The following LAMA2 variants were observed in gnomAD, a reference collection of about 807,000 sequenced individuals.
LAMA2 encodes laminin subunit alpha-2.
LAMA2 carries 269 observed loss-of-function variants against 364.8 expected under a neutral mutation model. That is an observed-to-expected ratio of 0.74 (90% CI 0.67 to 0.82). The LOEUF is 0.82. LAMA2 is among the 40% of genes least tolerant of loss of function. The pLI is 0.00. For missense variants in LAMA2, 3,807 were observed against 3,873.2 expected (o/e 0.98, Z 0.45); for synonymous variants, 1,379 against 1,370.6 (o/e 1.01, Z -0.14).
At chr6:129,424,389 TG>T (rs1352904748) in intron 40 of LAMA2, among the ~76,000 whole-genome samples, 1 of 151,070 alleles carries the variant, frequency 6.6e-6, no homozygotes, top group Non-Finnish European at 1.5e-5. Context: ...TCATCAAAAT[TG>T]AGAACTTCTT....
At chr6:129,214,768 T>C (rs1234134932) in intron 12 of LAMA2, among the ~76,000 whole-genome samples, 1 of 152,196 alleles carries the variant, frequency 6.6e-6, no homozygotes, top group Admixed American at 6.5e-5. Flanking sequence ...GTTCTTGGTC[T>C]TTCCTCTCCA....
At chr6:129,080,745 A>T (rs989539259) in intron 3 of LAMA2, among the ~76,000 whole-genome samples, 17 of 152,312 alleles carry the variant, frequency 1.1e-4, no homozygotes, top group African/African-American at 4.1e-4. Context: ...AGGAAACAAC[A>T]GGTGCTGGAG....
At chr6:129,326,829 C>T (rs1213333735) in intron 28 of LAMA2, among the ~76,000 whole-genome samples, 1 of 145,228 alleles carries the variant, frequency 6.9e-6, no homozygotes, top group African/African-American at 2.5e-5. Flanking sequence ...AATCCATGCA[C>T]AGAAAATCCA....
chr6:128,988,040 A>G (rs1783377076), intron 1 of LAMA2, among the ~76,000 whole-genome samples: 2 of 151,986 alleles, frequency 1.3e-5, no homozygotes, highest in Non-Finnish European at 2.9e-5. Context: ...AATTTTTTGT[A>G]TTTTTAGTAG....
intron 3 of LAMA2, among the ~76,000 whole-genome samples, chr6:129,085,726 A>T (rs1272198816): frequency 6.6e-6 from 1 of 152,190 alleles, no homozygotes; most frequent in Non-Finnish European, 1.5e-5. Context: ...AGCTCTCAGC[A>T]CTTCATAAAT....
chr6:129,013,228 G>A (rs1237569271), intron 1 of LAMA2, among the ~76,000 whole-genome samples: 1 of 152,142 alleles, frequency 6.6e-6, no homozygotes, highest in African/African-American at 2.4e-5. Context: ...GAGGTCAGGA[G>A]ATCGAGACCA....
At chr6:129,168,386 T>C (rs1412314056) in intron 9 of LAMA2, among the ~76,000 whole-genome samples, 2 of 152,306 alleles carry the variant, frequency 1.3e-5, no homozygotes, top group East Asian at 3.9e-4. Flanking sequence ...TACATATGGC[T>C]AGCCAGTTCT....
Position 128,883,278 on chromosome 6 carries a change from G to A in LAMA2, c.33G>A (p.Leu11=). The change falls in exon 1 of 65, where the codon CTG becomes CTA. Residue 11 remains leucine (L), a synonymous_variant. Transcript: ENST00000421865. MPGAAGVLLL[L]LLSGGLGGVQ... ...GAGCCGCCGGGGTCCTCCTCCTTCT[G>A]CTGCTCTCCGGAGGCCTCGGGGGCG... The A allele has an allele frequency of 6.4e-7, 1 of 1,569,510 alleles. No homozygotes were observed. The highest frequency in any genetic ancestry group is 8.6e-7 in the Non-Finnish European group (1 of 1,157,112).
At chr6:129,466,474 AGGAAACTC>A (rs1442738656) in intron 51 of LAMA2, among the ~76,000 whole-genome samples, 1 of 151,946 alleles carries the variant, frequency 6.6e-6, no homozygotes, top group East Asian at 1.9e-4. Flanking sequence ...CATTTCCAAC[AGGAAACTC>A]TAGAGAAACC....
rs575776051 is a variant in LAMA2, at chr6:129,366,407, A to T, written c.4860+46A>T. 25 of 1,604,780 alleles carry T rather than the reference A, an allele frequency of 1.6e-5. No individual in the cohort carries two copies. In the East Asian group the frequency reaches 3.6e-4, roughly 23 times the overall value. Reference sequence around the variant, plus strand: ...GCAAGGGCCAGGGACAAGGTGACAGAAGCTTCACAAGCGGTATTGGCTGTA... The same window carrying T: ...GCAAGGGCCAGGGACAAGGTGACAGTAGCTTCACAAGCGGTATTGGCTGTA... On this transcript the variant is annotated intron_variant, in intron 33 of 64. Coordinates refer to ENST00000421865, the MANE Select transcript of LAMA2 (RefSeq NM_000426.4).
At chr6:129,281,100 A>G (rs1167350484) in intron 18 of LAMA2, among the ~76,000 whole-genome samples, 2 of 152,184 alleles carry the variant, frequency 1.3e-5, no homozygotes, top group African/African-American at 4.8e-5. Flanking sequence ...AGTTCCTAGC[A>G]GCAACAAGTA....
At position 129,443,058 on chromosome 6, in the gene LAMA2, T is replaced by C; in HGVS notation, c.6269-5T>C. 1 of 1,591,974 alleles carries C rather than the reference T, an allele frequency of 6.3e-7. No individual in the cohort carries two copies. Among genetic ancestry groups the C allele is most frequent in the Non-Finnish European group, 8.6e-7 (1 of 1,164,118 alleles). ...TGTTTTGCTTCCATGTGAAATTGCC[T>C]GCAGAAATCAGTACGTATATGTTTA... On this transcript the variant is annotated splice_polypyrimidine_tract_variant and splice_region_variant and intron_variant, in intron 43 of 64. Coordinates refer to ENST00000421865, the MANE Select transcript of LAMA2 (RefSeq NM_000426.4).
chr6:129,098,305 C>T lies in LAMA2; in HGVS notation c.529C>T (p.Leu177=). 1 of 1,614,034 alleles carries T rather than the reference C, an allele frequency of 6.2e-7. No homozygotes were observed. Among genetic ancestry groups the T allele is most frequent in the Non-Finnish European group, 8.5e-7 (1 of 1,179,988 alleles). Residue 177 remains leucine, a synonymous_variant, in exon 4 of 65, where the codon CTA becomes TTA. Coordinates refer to ENST00000421865, the MANE Select transcript of LAMA2 (RefSeq NM_000426.4). ...QYHAVTDTEC[L]TLYNIYPRTG... ...TCATGCTGTGACAGACACGGAGTGCCTAACGCTTTACAATATTTATCCCCG... is the reference window on the plus strand; with the variant it reads ...TCATGCTGTGACAGACACGGAGTGCTTAACGCTTTACAATATTTATCCCCG...
chr6:129,374,507 C>G (rs1778262291), intron 34 of LAMA2, among the ~76,000 whole-genome samples: 1 of 152,084 alleles, frequency 6.6e-6, no homozygotes, highest in African/African-American at 2.4e-5. Flanking sequence ...TAAAGAATTA[C>G]TGTGATCCTG....
At chr6:129,209,379 A>G (rs534971369) in intron 12 of LAMA2, among the ~76,000 whole-genome samples, 10 of 152,208 alleles carry the variant, frequency 6.6e-5, no homozygotes, top group African/African-American at 2.2e-4. Context: ...TGATGGATAG[A>G]ATAAGGGCTT....
chr6:128,980,693 A>G (rs1265330987), intron 1 of LAMA2, among the ~76,000 whole-genome samples: 1 of 152,202 alleles, frequency 6.6e-6, no homozygotes, highest in East Asian at 1.9e-4. Context: ...GCCAGCTGAA[A>G]TATCATGATT....
In LAMA2 at chr6:129,433,826, C is replaced by A. The variant is rs561628097; in HGVS notation, c.5969-4820C>A. Among the ~76,000 whole-genome samples the A allele has an allele frequency of 2.6e-5, 4 of 152,174 alleles. No individual in the cohort carries two copies. The East Asian group carries it at 7.7e-4, about 29-fold the overall frequency. On this transcript the variant is annotated intron_variant, in intron 41 of 64. Coordinates refer to ENST00000421865, the MANE Select transcript of LAMA2 (RefSeq NM_000426.4). ...TTATAATAAAAACTGGTAAAACACA[C>A]CAGGACAATTTTCAAACCAATGTCA...
chr6:129,105,752 A>C (rs1037513736), intron 4 of LAMA2, among the ~76,000 whole-genome samples: 1 of 152,202 alleles, frequency 6.6e-6, no homozygotes, highest in African/African-American at 2.4e-5. Flanking sequence ...TAGGTTATTG[A>C]TGGTCAAAGG....
At chr6:128,989,567 C>T (rs192825064) in intron 1 of LAMA2, among the ~76,000 whole-genome samples, 5 of 152,230 alleles carry the variant, frequency 3.3e-5, no homozygotes, top group East Asian at 1.9e-4. Context: ...TGCCTTGCAC[C>T]GCTGTCCTAA....
Sources: allele counts gnomAD v4.1 joint callset (sites outside exome capture counted in the v4.1 genomes callset), GRCh38; gene constraint gnomAD v4.1.1; transcripts MANE v1.5; gene names NCBI Gene and HGNC (gene_info 2026-07-23, HGNC 2026-07-21).